DMXL1: variants seen among roughly 807,000 people sequenced by gnomAD.
The protein encoded by DMXL1 is Dmx like 1, also known as dmX-like protein 1.
A neutral mutation model predicts 319.2 loss-of-function variants in DMXL1; 99 were observed. The observed-to-expected ratio is 0.31, with a 90% CI of 0.26 to 0.37. DMXL1 has a LOEUF of 0.37. Ranked by LOEUF, DMXL1 falls within the 10% of genes least tolerant of loss-of-function variation. DMXL1 has a pLI of 1.00. For missense variants in DMXL1, 3,745 were observed against 3,595.6 expected (o/e 1.04, Z -1.06); for synonymous variants, 1,385 against 1,235.2 (o/e 1.12, Z -2.54).
chr5:119,105,668 G>T (rs1758175591), intron 4 of DMXL1, among the ~76,000 whole-genome samples: 1 of 152,096 alleles, frequency 6.6e-6, no homozygotes, highest in Non-Finnish European at 1.5e-5. Flanking sequence ...GGCTGAGGTG[G>T]GCAGATCACC....
intron 1 of DMXL1, among the ~76,000 whole-genome samples, chr5:119,072,801 A>G (rs986658340): frequency 6.6e-6 from 1 of 152,168 alleles, no homozygotes; most frequent in Non-Finnish European, 1.5e-5. Context: ...TGACTCATAC[A>G]CATCTTAATT....
At chr5:119,134,410 C>G in intron 13 of DMXL1, 21 bp downstream of exon 13, 9 of 1,581,602 alleles carry the variant, frequency 5.7e-6, no homozygotes, top group Non-Finnish European at 7.8e-6. Flanking sequence ...TCTTTTAAAA[C>G]AGCTTAAGTA....
intron 26 of DMXL1, 118 bp from the exon 27 acceptor site, chr5:119,177,239 T>C (rs1775974350): frequency 1.7e-6 from 1 of 588,546 alleles, no homozygotes; most frequent in Non-Finnish European, 2.8e-6. Context: ...ATTATATTAC[T>C]TAGATGTACT....
intron 19 of DMXL1, among the ~76,000 whole-genome samples, chr5:119,159,098 A>T (rs1771702306): frequency 6.6e-6 from 1 of 151,526 alleles, no homozygotes; most frequent in African/African-American, 2.4e-5. Context: ...ATGCGATCAG[A>T]TTCTAGGCTT....
intron 1 of DMXL1, among the ~76,000 whole-genome samples, chr5:119,076,527 AC>A (rs1750917231): frequency 6.6e-6 from 1 of 152,200 alleles, no homozygotes; most frequent in Non-Finnish European, 1.5e-5. Context: ...TATTGCAAGT[AC>A]TAAAGTGGAC....
chr5:119,110,058 T>G, intron 4 of DMXL1, 93 bp from the exon 5 acceptor site: 1 of 1,241,492 alleles, frequency 8.1e-7, no homozygotes, highest in Non-Finnish European at 1.1e-6. Context: ...TTTGACTTTT[T>G]TTTAGAAGTT....
At chr5:119,119,810 C>T (rs914402580) in intron 8 of DMXL1, among the ~76,000 whole-genome samples, 6 of 151,866 alleles carry the variant, frequency 4.0e-5, no homozygotes, top group Non-Finnish European at 7.4e-5. Flanking sequence ...GGCGCTCGGC[C>T]TATTATTTTC....
At chr5:119,104,187 T>C (rs1322405662) in intron 3 of DMXL1, 2 of 152,242 alleles carry the variant, frequency 1.3e-5, no homozygotes, top group Non-Finnish European at 2.9e-5. Flanking sequence ...ATTGGATACA[T>C]GTGCCCAAAT....
chr5:119,120,946 A>G (rs372960379), intron 8 of DMXL1, 25 bp from the exon 9 acceptor site: 65 of 1,585,648 alleles, frequency 4.1e-5, no homozygotes, highest in Non-Finnish European at 4.8e-5. Flanking sequence ...CAATATAGGT[A>G]TTAGTTTTGT....
intron 23 of DMXL1, among the ~76,000 whole-genome samples, chr5:119,168,894 T>C (rs1333437181): frequency 1.3e-5 from 2 of 151,874 alleles, no homozygotes; most frequent in Non-Finnish European, 2.9e-5. Flanking sequence ...TCTTGTCTTT[T>C]CTCTTTTCTT....
chr5:119,179,663 A>T (rs1453947635), intron 28 of DMXL1, among the ~76,000 whole-genome samples: 1 of 152,218 alleles, frequency 6.6e-6, no homozygotes, highest in Admixed American at 6.5e-5. Context: ...GGCATATATT[A>T]TACTTTTCAA....
intron 35 of DMXL1, among the ~76,000 whole-genome samples, chr5:119,220,084 T>C (rs1181253293): frequency 2.0e-5 from 3 of 152,004 alleles, no homozygotes; most frequent in African/African-American, 7.2e-5. Context: ...AATAATTATG[T>C]TTTTAGTTTG....
At chr5:119,132,958 G>A in intron 10 of DMXL1, 174 bp from the exon 11 acceptor site, 2 of 644,780 alleles carry the variant, frequency 3.1e-6, no homozygotes, top group Non-Finnish European at 5.4e-6. Flanking sequence ...ATATTGCAAA[G>A]AATACGGATA....
chr5:119,230,864 A>G (rs1786574471), intron 38 of DMXL1, among the ~76,000 whole-genome samples: 1 of 152,242 alleles, frequency 6.6e-6, no homozygotes, highest in Admixed American at 6.5e-5. Context: ...CCTGGGCAAC[A>G]GAACAAGACT....
intron 13 of DMXL1, among the ~76,000 whole-genome samples, chr5:119,143,529 A>C (rs1474592652): frequency 6.6e-6 from 1 of 152,054 alleles, no homozygotes; most frequent in Non-Finnish European, 1.5e-5. Context: ...TAATGTTTAA[A>C]AAGCACTAAT....
chr5:119,151,645 A>G (rs900348227), intron 18 of DMXL1, among the ~76,000 whole-genome samples: 77 of 152,306 alleles, frequency 5.1e-4, no homozygotes, highest in African/African-American at 1.4e-3. Flanking sequence ...AAAAGGTTAA[A>G]CTGTTCAAAA....
At chr5:119,215,617 C>G (rs921381004) in intron 34 of DMXL1, among the ~76,000 whole-genome samples, 6 of 151,834 alleles carry the variant, frequency 4.0e-5, no homozygotes, top group African/African-American at 1.5e-4. Flanking sequence ...TAGGCGTGAG[C>G]CACCACACCT....
In DMXL1 at chr5:119,150,110, A is replaced by G. The variant is rs778463810; in HGVS notation, c.4283A>G (p.Asn1428Ser). The stretch of plus-strand genomic sequence containing the variant: ...TACTCATCTTTGGAGAAATCTAGTA[A>G]TGAGAGTACGTTAAGTAAATCAAAC... ...SCYSSLEKSS[N>S]ESTLSKSNQL... Residue 1428 changes from asparagine to serine, a missense_variant, in exon 18 of 44, where the codon AAT (asparagine) becomes AGT (serine). This residue lies in a region of DMXL1 where 2,096 missense variants were observed against 1,985.4 expected (regional missense o/e 1.06). Transcript: ENST00000539542. The G allele has an allele frequency of 1.2e-6, 2 of 1,613,820 alleles. No individual in the cohort carries two copies. Among genetic ancestry groups the G allele is most frequent in the South Asian group, 1.1e-5 (1 of 91,076 alleles).
chr5:119,113,457 G>T (rs908222985), intron 5 of DMXL1, among the ~76,000 whole-genome samples: 3 of 152,166 alleles, frequency 2.0e-5, no homozygotes, highest in Non-Finnish European at 4.4e-5. Flanking sequence ...TGGCCAGGCT[G>T]GTCTCGAACT....
Sources: gnomAD v4.1 joint callset for allele counts (sites outside exome capture counted in the v4.1 genomes callset) on GRCh38, gnomAD v4.1.1 for gene constraint, gnomAD v4.1.1 regional missense constraint, MANE v1.5 for transcripts, NCBI Gene and HGNC (gene_info 2026-07-23, HGNC 2026-07-21) for gene names.